The following RNASEL variants were observed in gnomAD, a reference collection of about 807,000 sequenced individuals.
RNASEL encodes the protein ribonuclease L, also known as 2-5A-dependent ribonuclease.
RNASEL carries 36 observed loss-of-function variants against 50.9 expected under a neutral mutation model. The ratio of observed to expected loss-of-function variants is 0.71; its 90% CI spans 0.54 to 0.93. The LOEUF (loss-of-function observed/expected upper bound fraction) is 0.93. RNASEL is among the 40% of genes least tolerant of loss of function. The pLI is 0.00. For missense variants in RNASEL, 860 were observed against 894.5 expected, an observed-to-expected ratio of 0.96 and a Z score of 0.49; for synonymous variants, 335 against 335.6, an observed-to-expected ratio of 1.00 and a Z score of 0.02.
In RNASEL at chr1:182,579,773, C is replaced by T. The variant is rs578224588; in HGVS notation, c.1905+1452G>A. The T allele has an allele frequency of 4.5e-5, 52 of 1,158,210 alleles. No homozygotes were observed. In the South Asian group the frequency reaches 6.1e-4, roughly 13 times the overall value. 71.7% of individuals were successfully genotyped at this position (1,158,210 alleles called of 1,614,324 possible). ...GAAATAAAAGAACAAGTTCCTCTTTCCAGGTCTGCCAATCTCTGACTGTCC... is the reference window on the plus strand; with the variant it reads ...GAAATAAAAGAACAAGTTCCTCTTTTCAGGTCTGCCAATCTCTGACTGTCC... On this transcript the variant is annotated intron_variant, in intron 5 of 6. Coordinates refer to ENST00000367559, the MANE Select transcript of RNASEL (RefSeq NM_021133.4).
In RNASEL at chr1:182,586,964, A is replaced by G. The variant is rs781450525; in HGVS notation, c.-158T>C. On this transcript the variant is annotated 5_prime_UTR_variant, in exon 2 of 7. An upstream start codon of the reference 5' UTR is lost. Transcript: ENST00000367559. ...GGAACAATGTTCTCAGTCTTCTGAC[A>G]TTCCACCTGGCAACGAAGAGAGGTG... The G allele has an allele frequency of 2.6e-4, 238 of 919,692 alleles. No homozygotes were observed. The highest frequency in any genetic ancestry group is 3.6e-4 in the Non-Finnish European group (211 of 589,714). 57.0% of individuals were successfully genotyped at this position (919,692 alleles called of 1,614,324 possible). A position where few individuals can be genotyped will look rare whatever the true frequency, so the allele number is the denominator to read the frequency against.
At chr1:182,575,602 A>G (rs1332745507) in intron 6 of RNASEL, 24 bp from the exon 7 acceptor site, 1 of 1,613,592 alleles carries the variant, frequency 6.2e-7, no homozygotes. Flanking sequence ...CAAATTGTTC[A>G]GCATGCTTGC....
In RNASEL at chr1:182,585,884, G is replaced by A. The variant is rs554935584; in HGVS notation, c.923C>T (p.Ala308Val). The change falls in exon 2 of 7, where the codon GCG becomes GTG. Residue 308 changes from alanine (A) to valine (V), a missense_variant. By Grantham distance (64) the Ala-to-Val change is moderately conservative. Transcript: ENST00000367559. ...AAGGGAATGGTCATAATTCCGCCTC[G>A]CTGTCATAACAAGATCCCCACAATC... is the stretch of plus-strand genomic sequence containing the variant. ...STDCGDLVMTARRNYDHSLVK... is the reference protein window; with the variant it reads ...STDCGDLVMTVRRNYDHSLVK... 7.4e-6 allele frequency: 12 copies of A among 1,612,218 alleles called. No homozygotes were observed. The highest frequency in any genetic ancestry group is 6.7e-5 in the East Asian group (3 of 44,804).
chr1:182,577,451 G>A (rs1661411439), intron 5 of RNASEL, among the ~76,000 whole-genome samples: 1 of 152,084 alleles, frequency 6.6e-6, no homozygotes, highest in Non-Finnish European at 1.5e-5. Context: ...GACTGAAACT[G>A]GGCCTGGCAA....
rs374614472 is a variant in RNASEL at position 182,576,296 on chromosome 1, G to T, written c.1999C>A (p.Arg667=). Residue 667 remains arginine, a synonymous_variant, in exon 6 of 7, where the codon CGG becomes AGG. Coordinates refer to ENST00000367559, the MANE Select transcript of RNASEL (RefSeq NM_021133.4). ...NTVGDLLKFI[R]NLGEHIDEEK... is the part of the protein sequence containing the mutation. ...TCATCAATGTGTTCTCCCAAATTCC[G>T]GATGAACTTTAGCAGATCACCCACA... 10 of 1,611,206 alleles carry T rather than the reference G, an allele frequency of 6.2e-6. No individual in the cohort carries two copies. The Admixed American group carries it at 1.0e-4, about 16-fold the overall frequency.
intron 5 of RNASEL, chr1:182,576,893 T>C (rs1450462232): frequency 3.3e-5 from 5 of 151,398 alleles, no homozygotes; most frequent in East Asian, 2.0e-4. Flanking sequence ...TTTTTTTTTT[T>C]CAAGACGGAG....
chr1:182,585,775 C>T lies in RNASEL; in HGVS notation c.1032G>A (p.Gly344=), dbSNP rs200175700. 1.9e-6 allele frequency: 3 copies of T among 1,613,914 alleles called. No individual in the cohort carries two copies. Among genetic ancestry groups the T allele is most frequent in the African/African-American group, 2.7e-5 (2 of 74,860 alleles). Reference sequence around the variant, plus strand: ...TTCTGTGGAGATCCTTCAGGGCTGCCCCCCAGTGTGAGCTCTGAGGCTTCC... The same window carrying T: ...TTCTGTGGAGATCCTTCAGGGCTGCTCCCCAGTGTGAGCTCTGAGGCTTCC... ...EDWKPQSSHW[G]AALKDLHRIY... Residue 344 remains glycine (G), a synonymous_variant, in exon 2 of 7, where the codon GGG becomes GGA. Coordinates refer to ENST00000367559, the MANE Select transcript of RNASEL (RefSeq NM_021133.4).
rs1373636481 is a variant in RNASEL, at chr1:182,586,889, C to G, written c.-83G>C. The G allele has an allele frequency of 1.9e-6, 3 of 1,581,666 alleles. No homozygotes were observed. The highest frequency in any genetic ancestry group is 2.6e-6 in the Non-Finnish European group (3 of 1,155,788). Reference sequence around the variant, plus strand: ...ATCTCCTAGCACTTAATCAAAGAAGCTTTGAGTGTAAATTGGGATTCTCTG... The same window carrying G: ...ATCTCCTAGCACTTAATCAAAGAAGGTTTGAGTGTAAATTGGGATTCTCTG... On this transcript the variant is annotated 5_prime_UTR_variant, in exon 2 of 7. Coordinates refer to ENST00000367559, the MANE Select transcript of RNASEL (RefSeq NM_021133.4).
chr1:182,583,284 G>A (rs1457205200), intron 3 of RNASEL, among the ~76,000 whole-genome samples: 1 of 152,124 alleles, frequency 6.6e-6, no homozygotes, highest in Non-Finnish European at 1.5e-5. Flanking sequence ...ACTCCACACC[G>A]ACCCAAGCTG....
In RNASEL at chr1:182,586,028, T is replaced by C. The variant is rs1189617674; in HGVS notation, c.779A>G (p.Glu260Gly). ...KHLGLVQRLL[E>G]QEHIEINDTD... ...GTCATTAATCTCTATGTGCTCTTGC[T>C]CCAGAAGCCTCTGCACCAAACCCAA... The change falls in exon 2 of 7, where the codon GAG (glutamate) becomes GGG (glycine). Residue 260 changes from glutamate to glycine, a missense_variant. Physicochemically the swap from Glu to Gly is moderately conservative, Grantham distance 98. Coordinates refer to ENST00000367559, the MANE Select transcript of RNASEL (RefSeq NM_021133.4). The C allele has an allele frequency of 6.2e-7, 1 of 1,614,054 alleles. No individual in the cohort carries two copies. The highest frequency in any genetic ancestry group is 1.3e-5 in the African/African-American group (1 of 75,044).
In RNASEL at chr1:182,586,114, A is replaced by G; in HGVS notation, c.693T>C (p.Asp231=). 2 of 1,614,178 alleles carry G rather than the reference A, an allele frequency of 1.2e-6. No individual in the cohort carries two copies. Among genetic ancestry groups the G allele is most frequent in the Non-Finnish European group, 1.7e-6 (2 of 1,180,026 alleles). ...ITHLLLDHGA[D]VNVRGERGKT... ...TCCCTCTTTCTCCCCTCACATTGAC[A>G]TCAGCCCCATGGTCCAGCAGCAGAT... The change falls in exon 2 of 7, where the codon GAT becomes GAC. Residue 231 remains aspartate, a synonymous_variant. Coordinates refer to ENST00000367559, the MANE Select transcript of RNASEL (RefSeq NM_021133.4).
chr1:182,582,266 A>G lies in RNASEL; in HGVS notation c.1567-8T>C. 4.3e-6 allele frequency: 7 copies of G among 1,614,126 alleles called. No homozygotes were observed. Among genetic ancestry groups the G allele is most frequent in the Non-Finnish European group, 4.2e-6 (5 of 1,179,952 alleles). ...GACCAGCCGTCCAAGGTCCTGCACA[A>G]AAGCCATAAATCAAGCCAAAGATGC... On this transcript the variant is annotated splice_polypyrimidine_tract_variant and splice_region_variant and intron_variant, in intron 3 of 6. Transcript: ENST00000367559.
rs1310522160 is a variant in RNASEL, at chr1:182,586,807, G to T, written c.-1C>A. 3.7e-6 allele frequency: 6 copies of T among 1,614,060 alleles called. No homozygotes were observed. The highest frequency in any genetic ancestry group is 5.1e-6 in the Non-Finnish European group (6 of 1,180,038). ...GGTTGTTATGATCCCTGCTCTCCATGACGGTAAATGCCACCTGCTACCACT... is the reference window on the plus strand; with the variant it reads ...GGTTGTTATGATCCCTGCTCTCCATTACGGTAAATGCCACCTGCTACCACT... On this transcript the variant is annotated 5_prime_UTR_variant, in exon 2 of 7. Coordinates refer to ENST00000367559, the MANE Select transcript of RNASEL (RefSeq NM_021133.4).
intron 6 of RNASEL, 86 bp downstream of exon 6, chr1:182,576,170 T>C: frequency 7.0e-7 from 1 of 1,423,944 alleles, no homozygotes; most frequent in Non-Finnish European, 9.7e-7. Flanking sequence ...ATTTTCTTTT[T>C]TCCATCGTAG....
rs1487397172 is a variant in RNASEL at position 182,576,356 on chromosome 1, A to C, written c.1939T>G (p.Phe647Val). The C allele has an allele frequency of 1.3e-6, 2 of 1,597,152 alleles. No individual in the cohort carries two copies. Among genetic ancestry groups the C allele is most frequent in the Non-Finnish European group, 1.7e-6 (2 of 1,166,060 alleles). ...NECVMKKMNK[F>V]YEKRGNFYQN... Reference sequence around the variant, plus strand: ...TAGAAATTGCCTCTTTTTTCATAAAACTTATTCATTTTTTTCATAACACAT... The same window carrying C: ...TAGAAATTGCCTCTTTTTTCATAAACCTTATTCATTTTTTTCATAACACAT... The change falls in exon 6 of 7, where the codon TTT becomes GTT. Residue 647 changes from phenylalanine to valine, a missense_variant. Physicochemically the swap from Phe to Val is conservative, Grantham distance 50. Transcript: ENST00000367559.
chr1:182,580,230 C>G (rs1661466477), intron 5 of RNASEL, among the ~76,000 whole-genome samples: 1 of 152,232 alleles, frequency 6.6e-6, no homozygotes, highest in African/African-American at 2.4e-5. Context: ...CACATCTACT[C>G]CATGCCAGGG....
chr1:182,578,160 C>T lies in RNASEL; in HGVS notation c.1906-1771G>A, dbSNP rs754218417. 6.6e-5 allele frequency: 10 copies of T among 151,942 alleles called. No individual in the cohort carries two copies. In the East Asian group the frequency reaches 7.7e-4, roughly 12 times the overall value. 9.4% of individuals were successfully genotyped at this position (151,942 alleles called of 1,614,324 possible). A position where few individuals can be genotyped will look rare whatever the true frequency, so the allele number is the denominator to read the frequency against. On this transcript the variant is annotated intron_variant, in intron 5 of 6. Coordinates refer to ENST00000367559, the MANE Select transcript of RNASEL (RefSeq NM_021133.4). ...GGTTTAATTAAACTAAAAACTTCTG[C>T]GCAGCAAAAGAAATAAACAGAGTGA...
intron 5 of RNASEL, chr1:182,579,322 C>A (rs993555024): frequency 3.0e-6 from 3 of 986,690 alleles, no homozygotes. Context: ...GTGCTTGTCA[C>A]CCTCATAGAT....
chr1:182,583,405 A>G (rs1661531662), intron 3 of RNASEL, among the ~76,000 whole-genome samples: 1 of 152,220 alleles, frequency 6.6e-6, no homozygotes, highest in South Asian at 2.1e-4. Flanking sequence ...AGCCTTGAAC[A>G]TTCTTTTTTT....
Sources: allele counts gnomAD v4.1 joint callset (sites outside exome capture counted in the v4.1 genomes callset), GRCh38; gene constraint gnomAD v4.1.1; transcripts MANE v1.5; gene names NCBI Gene and HGNC (gene_info 2026-07-23, HGNC 2026-07-21).